THSD7A: variants seen among roughly 807,000 people sequenced by gnomAD.
THSD7A encodes the protein thrombospondin type 1 domain containing 7A.
THSD7A carries 96 observed loss-of-function variants against 231.3 expected under a neutral mutation model. That is an observed-to-expected ratio of 0.41 (90% confidence interval 0.35 to 0.49). The LOEUF (loss-of-function observed/expected upper bound fraction) is 0.49. THSD7A is among the 20% of genes least tolerant of loss of function. The pLI, the probability that THSD7A is intolerant of heterozygous loss-of-function variation, is 0.05. For missense variants in THSD7A, 2,290 were observed against 2,070.2 expected (o/e 1.11, Z -2.06); for synonymous variants, 940 against 743.3 (o/e 1.26, Z -4.30).
chr7:11,714,309 T>G (rs1781062068), intron 1 of THSD7A, among the ~76,000 whole-genome samples: 1 of 151,236 alleles, frequency 6.6e-6, no homozygotes, highest in Admixed American at 6.6e-5. Flanking sequence ...CTATGACATG[T>G]GTATTTTTAA....
chr7:11,706,445 A>C (rs570375891), intron 1 of THSD7A, among the ~76,000 whole-genome samples: 1 of 150,814 alleles, frequency 6.6e-6, no homozygotes, highest in Non-Finnish European at 1.5e-5. Flanking sequence ...CATTTTCAAA[A>C]ATATCATTTA....
At chr7:11,767,642 G>C (rs914472405) in intron 1 of THSD7A, among the ~76,000 whole-genome samples, 1 of 152,104 alleles carries the variant, frequency 6.6e-6, no homozygotes, top group South Asian at 2.1e-4. Context: ...CCCAAAGTAA[G>C]TTCCAACAGG....
intron 6 of THSD7A, among the ~76,000 whole-genome samples, chr7:11,508,818 T>A (rs1308822418): frequency 2.6e-5 from 4 of 152,242 alleles, no homozygotes; most frequent in Admixed American, 2.0e-4. Flanking sequence ...GAAGACATTA[T>A]GCTAAGTGAA....
At chr7:11,455,880 A>T (rs1785291250) in intron 11 of THSD7A, among the ~76,000 whole-genome samples, 3 of 152,060 alleles carry the variant, frequency 2.0e-5, no homozygotes, top group Admixed American at 2.0e-4. Context: ...CTTTTGAAAT[A>T]TGTCATCACA....
chr7:11,400,887 C>T (rs1222593799), intron 23 of THSD7A, among the ~76,000 whole-genome samples: 1 of 152,066 alleles, frequency 6.6e-6, no homozygotes, highest in African/African-American at 2.4e-5. Flanking sequence ...AGCCCCACAC[C>T]CTCTACCAAA....
intron 13 of THSD7A, among the ~76,000 whole-genome samples, chr7:11,445,614 T>C (rs749458338): frequency 2.6e-5 from 4 of 152,052 alleles, no homozygotes; most frequent in Non-Finnish European, 5.9e-5. Flanking sequence ...TCTCTGCTGC[T>C]TAATGACATT....
At chr7:11,756,177 T>C (rs1265410226) in intron 1 of THSD7A, among the ~76,000 whole-genome samples, 3 of 152,238 alleles carry the variant, frequency 2.0e-5, no homozygotes, top group East Asian at 1.9e-4. Context: ...ACATCTATTA[T>C]GTTACTAAAA....
At chr7:11,583,710 G>C (rs1791270285) in intron 4 of THSD7A, among the ~76,000 whole-genome samples, 1 of 152,124 alleles carries the variant, frequency 6.6e-6, no homozygotes, top group African/African-American at 2.4e-5. Flanking sequence ...GCAGTTTACA[G>C]GGGTAAATCC....
chr7:11,634,952 A>G lies in THSD7A; in HGVS notation c.1022+1178T>C, dbSNP rs1043027620. ...GTAGACAAGAATAGATTGAAAAAAA[A>G]ATCAGGTGAGAAAAAAAATAAAGCT... On this transcript the variant is annotated intron_variant, in intron 2 of 27. Coordinates refer to ENST00000423059, the MANE Select transcript of THSD7A (RefSeq NM_015204.3). This position sits in a 1 kb window ranked among gnomAD's most constrained non-coding sequence, Gnocchi z 4.1. Among the ~76,000 whole-genome samples the G allele has an allele frequency of 2.6e-5, 4 of 152,206 alleles. No homozygotes were observed. The highest frequency in any genetic ancestry group is 9.7e-5 in the African/African-American group (4 of 41,440).
chr7:11,451,705 C>T (rs925511168), intron 11 of THSD7A, among the ~76,000 whole-genome samples: 1 of 151,188 alleles, frequency 6.6e-6, no homozygotes, highest in Non-Finnish European at 1.5e-5. Flanking sequence ...ATAGATAACA[C>T]TGGCTGAGCT....
At chr7:11,487,704 G>A (rs1049229106) in intron 6 of THSD7A, among the ~76,000 whole-genome samples, 22 of 152,034 alleles carry the variant, frequency 1.4e-4, no homozygotes, top group African/African-American at 5.1e-4. Flanking sequence ...AGGCAAGAGA[G>A]CTTGTGCAGG....
At chr7:11,742,275 G>A (rs1332993261) in intron 1 of THSD7A, among the ~76,000 whole-genome samples, 3 of 151,796 alleles carry the variant, frequency 2.0e-5, no homozygotes, top group Non-Finnish European at 4.4e-5. Context: ...TGAGAGAAAG[G>A]AAAATCATTA....
chr7:11,681,679 G>A (rs1783876517), intron 1 of THSD7A, among the ~76,000 whole-genome samples: 1 of 151,994 alleles, frequency 6.6e-6, no homozygotes, highest in South Asian at 2.1e-4. Flanking sequence ...TACAGTTTAG[G>A]AAACATCGTT....
At chr7:11,788,244 C>T (rs1323029603) in intron 1 of THSD7A, among the ~76,000 whole-genome samples, 1 of 152,074 alleles carries the variant, frequency 6.6e-6, no homozygotes, top group Admixed American at 6.6e-5. Context: ...CTTCCTTCCA[C>T]AGTTCTTTCT....
At chr7:11,805,496 T>C (rs1184966691) in intron 1 of THSD7A, among the ~76,000 whole-genome samples, 1 of 152,096 alleles carries the variant, frequency 6.6e-6, no homozygotes, top group African/African-American at 2.4e-5. Context: ...CTCTTTAAAA[T>C]AAAGAATAAC....
intron 13 of THSD7A, among the ~76,000 whole-genome samples, chr7:11,430,378 C>G (rs1410604788): frequency 6.6e-6 from 1 of 152,180 alleles, no homozygotes. Context: ...TCCTCATCCC[C>G]TGACAACCAT....
At chr7:11,744,427 A>T (rs928405929) in intron 1 of THSD7A, among the ~76,000 whole-genome samples, 3 of 150,682 alleles carry the variant, frequency 2.0e-5, no homozygotes, top group African/African-American at 7.4e-5. Flanking sequence ...TTTTTTTATT[A>T]TTTTTTATTT....
At chr7:11,809,698 G>T (rs372708540) in intron 1 of THSD7A, among the ~76,000 whole-genome samples, 2 of 152,100 alleles carry the variant, frequency 1.3e-5, no homozygotes, top group African/African-American at 4.8e-5. Flanking sequence ...ATTATTTTAA[G>T]TAATTTTGGA....
At position 11,454,284 on chromosome 7, in the gene THSD7A, C is replaced by G. The variant is rs547040330; in HGVS notation, c.2605+6378G>C. 1.1e-4 allele frequency among the ~76,000 whole-genome samples: 17 copies of G among 149,502 alleles called. No homozygotes were observed. The East Asian group carries it at 2.6e-3, about 23-fold the overall frequency. ...CTTTAAAAATTTCTCTTTTTCCTCT[C>G]TCTTTTTACTTCTTATGCCATTATA... On this transcript the variant is annotated intron_variant, in intron 11 of 27. Coordinates refer to ENST00000423059, the MANE Select transcript of THSD7A (RefSeq NM_015204.3).
Sources: allele counts gnomAD v4.1 joint callset (sites outside exome capture counted in the v4.1 genomes callset), GRCh38; gene constraint gnomAD v4.1.1; non-coding constraint Gnocchi (gnomAD v3.1); transcripts MANE v1.5; gene names NCBI Gene and HGNC (gene_info 2026-07-23, HGNC 2026-07-21).